The following PRRC2B variants were observed in gnomAD, a reference collection of about 807,000 sequenced individuals.
PRRC2B encodes proline rich coiled-coil 2B.
A neutral mutation model predicts 242.3 loss-of-function variants in PRRC2B; 68 were observed. That is an observed-to-expected ratio of 0.28 (90% CI 0.23 to 0.34). The LOEUF (loss-of-function observed/expected upper bound fraction) is 0.34. Among genes scored for constraint, PRRC2B ranks in the 10% least tolerant of loss-of-function variants. PRRC2B has a pLI of 1.00. For missense variants in PRRC2B, 2,835 were observed against 2,954.8 expected (o/e 0.96, Z 0.94); for synonymous variants, 1,228 against 1,173.6 (o/e 1.05, Z -0.95).
intron 30 of PRRC2B, among the ~76,000 whole-genome samples, chr9:131,492,758 G>T (rs960699453): frequency 6.6e-6 from 1 of 152,064 alleles, no homozygotes; most frequent in Admixed American, 6.5e-5. Flanking sequence ...TGCTTCCTTT[G>T]TGTCTGTCTC....
Position 131,438,972 on chromosome 9 carries a change from T to G in PRRC2B, c.397-17T>G. 1 of 1,604,722 alleles carries G rather than the reference T, an allele frequency of 6.2e-7. No individual in the cohort carries two copies. Among genetic ancestry groups the G allele is most frequent in the Non-Finnish European group, 8.5e-7 (1 of 1,173,746 alleles). ...ATAAGGGAGCTGGCCCTCTTCTGAT[T>G]CTCTTCCTTCTTTCAGAATACAAAT... On this transcript the variant is annotated splice_polypyrimidine_tract_variant and intron_variant, in intron 4 of 31. Coordinates refer to ENST00000683519, the MANE Select transcript of PRRC2B (RefSeq NM_013318.4).
intron 1 of PRRC2B, among the ~76,000 whole-genome samples, chr9:131,429,156 A>G (rs940285394): frequency 3.3e-5 from 5 of 152,324 alleles, no homozygotes; most frequent in Admixed American, 1.3e-4. Flanking sequence ...CATGCTGGCC[A>G]GGCAGGTCTC....
chr9:131,481,452 G>C (rs1407805193), intron 19 of PRRC2B, among the ~76,000 whole-genome samples: 7 of 152,100 alleles, frequency 4.6e-5, no homozygotes, highest in Non-Finnish European at 2.9e-5. Flanking sequence ...GCAGGAGTGA[G>C]GGCTCTGCCC....
Position 131,476,267 on chromosome 9 carries a change from A to C in PRRC2B, c.4138A>C (p.Ser1380Arg), listed in dbSNP as rs1943695669. Residue 1380 changes from serine (S) to arginine (R), a missense_variant, in exon 16 of 32, where the codon AGC becomes CGC. Ser to Arg is a moderately radical substitution (Grantham distance 110). Around this residue, in one of 7 missense-constraint regions of PRRC2B, gnomAD observed 1,536 missense variants for 1,483.1 expected, o/e 1.04. Transcript: ENST00000683519. ...TGAGGAGTGGGAGACGGCCTCCGAA[A>C]GCAGCGACTTCAGCGAGCGGCGGGA... ...ANEEWETASESSDFSERRERR... is the reference protein window; with the variant it reads ...ANEEWETASERSDFSERRERR... 1 of 1,611,236 alleles carries C rather than the reference A, an allele frequency of 6.2e-7. No individual in the cohort carries two copies. Among genetic ancestry groups the C allele is most frequent in the Non-Finnish European group, 8.5e-7 (1 of 1,178,792 alleles).
At chr9:131,393,295 G>A (rs1836936310), upstream of PRRC2B, among the ~76,000 whole-genome samples, 1 of 152,180 alleles carries the variant, frequency 6.6e-6, no homozygotes, top group African/African-American at 2.4e-5. Context: ...TGGGTGCCAG[G>A]CCCTAACATT....
At chr9:131,470,232 G>A (rs528836131) in intron 13 of PRRC2B, among the ~76,000 whole-genome samples, 3 of 152,322 alleles carry the variant, frequency 2.0e-5, no homozygotes, top group East Asian at 1.9e-4. Flanking sequence ...CGTAGGTCAC[G>A]AGTAGCCTCG....
intron 5 of PRRC2B, among the ~76,000 whole-genome samples, chr9:131,442,151 T>A (rs548261414): frequency 9.9e-5 from 15 of 152,196 alleles, no homozygotes; most frequent in East Asian, 3.9e-4. Context: ...TGTTTTTTTT[T>A]AGGCAGGGTT....
chr9:131,431,096 A>T (rs1017354597), intron 2 of PRRC2B, among the ~76,000 whole-genome samples: 1 of 148,708 alleles, frequency 6.7e-6, no homozygotes, highest in Admixed American at 6.7e-5. Context: ...GATTACAGGC[A>T]TGTGCCACCA....
intron 25 of PRRC2B, among the ~76,000 whole-genome samples, chr9:131,485,458 T>C (rs2131468898): frequency 6.6e-6 from 1 of 152,256 alleles, no homozygotes; most frequent in East Asian, 1.9e-4. Context: ...GGTGAGCAGC[T>C]CTTGCCGAGC....
chr9:131,432,639 G>C lies in PRRC2B; in HGVS notation c.138G>C (p.Gln46His), dbSNP rs773307423. The change falls in exon 3 of 32, where the codon CAG becomes CAC. Residue 46 changes from glutamine to histidine, a missense_variant. Physicochemically the swap from Gln to His is conservative, Grantham distance 24. Around this residue, in one of 7 missense-constraint regions of PRRC2B, gnomAD observed 626 missense variants for 685.5 expected, o/e 0.91. Coordinates refer to ENST00000683519, the MANE Select transcript of PRRC2B (RefSeq NM_013318.4). ...CAGTTATTCCTAGACATGGCTTACA[G>C]AGTCTTGGGAAAGTTGCTGCAGCCC... is the stretch of plus-strand genomic sequence containing the variant. ...RSSVIPRHGLQSLGKVAAARR... is the reference protein window; with the variant it reads ...RSSVIPRHGLHSLGKVAAARR... 7.4e-6 allele frequency: 12 copies of C among 1,613,818 alleles called. No individual in the cohort carries two copies. In the African/African-American group the frequency reaches 1.5e-4, roughly 20 times the overall value.
chr9:131,400,065 A>T lies in PRRC2B; in HGVS notation c.-52+5802A>T, dbSNP rs1389855893. Among the ~76,000 whole-genome samples the T allele has an allele frequency of 5.3e-5, 8 of 152,120 alleles. No homozygotes were observed. In the South Asian group the frequency reaches 1.5e-3, roughly 28 times the overall value. On this transcript the variant is annotated intron_variant, in intron 1 of 31. Coordinates refer to ENST00000683519, the MANE Select transcript of PRRC2B (RefSeq NM_013318.4). ...TTTGTCACCTCCCTCTCCAGCCTTG[A>T]GCCCAAGGCAGTCTCTTTCTTAGTT...
chr9:131,464,732 C>G, intron 11 of PRRC2B, 31 bp from the exon 12 acceptor site: 1 of 1,540,000 alleles, frequency 6.5e-7, no homozygotes, highest in Non-Finnish European at 8.8e-7. Flanking sequence ...CCCGGACCCA[C>G]CGCCTTATCT....
intron 9 of PRRC2B, among the ~76,000 whole-genome samples, chr9:131,454,054 C>T (rs1189792373): frequency 6.6e-6 from 1 of 152,210 alleles, no homozygotes; most frequent in Admixed American, 6.5e-5. Context: ...AATCCTGTGG[C>T]AACAATAAAT....
chr9:131,479,813 A>G (rs912995752), intron 19 of PRRC2B, among the ~76,000 whole-genome samples: 7 of 152,238 alleles, frequency 4.6e-5, no homozygotes, highest in African/African-American at 1.4e-4. Context: ...TTTTCTTAAC[A>G]TGGGGAAGGC....
chr9:131,445,538 C>T (rs1045937402), intron 6 of PRRC2B, among the ~76,000 whole-genome samples: 1 of 152,176 alleles, frequency 6.6e-6, no homozygotes, highest in African/African-American at 2.4e-5. Context: ...ACTATAAAAA[C>T]GTAGACATAG....
rs58424444 is a variant in PRRC2B, at chr9:131,397,563, G to GTTTTTTTT, written c.-52+3314_-52+3321dup. Among the ~76,000 whole-genome samples, 48 of 98,972 alleles carry GTTTTTTTT rather than the reference G, an allele frequency of 4.8e-4. 2 individuals carry two copies. Among genetic ancestry groups the GTTTTTTTT allele is most frequent in the African/African-American group, 1.4e-3 (33 of 23,934 alleles). 64.9% of individuals were successfully genotyped at this position (98,972 alleles called of 152,430 possible). On this transcript the variant is annotated intron_variant, in intron 1 of 31. Coordinates refer to ENST00000683519, the MANE Select transcript of PRRC2B (RefSeq NM_013318.4). ...GGATTATTTTATTGTACTTTTGAGG[G>GTTTTTTTT]TTTTTTTTTTTTTTTTTTTTTGCCT...
At position 131,447,148 on chromosome 9, in the gene PRRC2B, C is replaced by G; in HGVS notation, c.919C>G (p.Gln307Glu). 2 of 1,614,046 alleles carry G rather than the reference C, an allele frequency of 1.2e-6. No homozygotes were observed. The highest frequency in any genetic ancestry group is 1.6e-4 in the Middle Eastern group (1 of 6,062). Residue 307 changes from glutamine to glutamate, a missense_variant, in exon 8 of 32, where the codon CAG (glutamine) becomes GAG (glutamate). This residue lies in a region of PRRC2B where 626 missense variants were observed against 685.5 expected (regional missense o/e 0.91). Transcript: ENST00000683519. Reference sequence around the variant, plus strand: ...GGAACGAGGCTCTTTTCCCCTTCCTCAGCTCCGCCTTGAACCTCGAGTTCC... The same window carrying G: ...GGAACGAGGCTCTTTTCCCCTTCCTGAGCTCCGCCTTGAACCTCGAGTTCC... ...TVERGSFPLP[Q>E]LRLEPRVPFR...
chr9:131,406,756 C>G (rs555489962), intron 1 of PRRC2B, among the ~76,000 whole-genome samples: 1 of 152,190 alleles, frequency 6.6e-6, no homozygotes, highest in South Asian at 2.1e-4. Flanking sequence ...GCTCAGTTCA[C>G]CGAGATCTTA....
intron 1 of PRRC2B, among the ~76,000 whole-genome samples, chr9:131,420,736 G>C (rs1416456083): frequency 6.6e-6 from 1 of 151,554 alleles, no homozygotes; most frequent in African/African-American, 2.4e-5. Context: ...GTGCACCTCA[G>C]CCTCCCAAAG....
Sources: gnomAD v4.1 joint callset for allele counts (sites outside exome capture counted in the v4.1 genomes callset) on GRCh38, gnomAD v4.1.1 for gene constraint, gnomAD v4.1.1 regional missense constraint, MANE v1.5 for transcripts, NCBI Gene and HGNC (gene_info 2026-07-23, HGNC 2026-07-21) for gene names.